Variants in LDB3 observed in about 807,000 individuals in gnomAD.
The protein encoded by LDB3 is LIM domain-binding protein 3.
A neutral mutation model predicts 69.0 loss-of-function variants in LDB3; 49 were observed. The observed-to-expected ratio is 0.71, with a 90% CI of 0.56 to 0.90. The LOEUF is 0.90. Ranked by LOEUF, LDB3 falls within the 40% of genes least tolerant of loss-of-function variation. The probability of loss-of-function intolerance (pLI) is 0.00; values close to 1 mark genes in which losing one functional copy is unlikely to be tolerated. For missense variants in LDB3, 928 were observed against 974.1 expected (o/e 0.95, Z 0.63); for synonymous variants, 387 against 396.2 (o/e 0.98, Z 0.28).
Position 86,692,041 on chromosome 10 carries a change from G to T in LDB3, c.835G>T (p.Ala279Ser). Residue 279 changes from alanine (A) to serine (S), a missense_variant, in exon 6 of 14, where the codon GCC becomes TCC. By Grantham distance (99) the Ala-to-Ser change is moderately conservative. Transcript: ENST00000361373. ...NLQSRSFRIL[A>S]QMTGTEFMQD... is the part of the protein sequence containing the mutation. ...GCAGTCTCGCTCCTTCCGCATCCTGGCCCAGATGACGGGGACAGAATTCAG... is the reference window on the plus strand; with the variant it reads ...GCAGTCTCGCTCCTTCCGCATCCTGTCCCAGATGACGGGGACAGAATTCAG... The T allele has an allele frequency of 6.2e-7, 1 of 1,614,112 alleles. No homozygotes were observed. The highest frequency in any genetic ancestry group is 8.5e-7 in the Non-Finnish European group (1 of 1,180,048).
At position 86,724,625 on chromosome 10, in the gene LDB3, T is replaced by A. The variant is rs912524412; in HGVS notation, c.1979-1512T>A. ...CGCAAAAAAAAATAAAAATAAAAAA[T>A]AAATAAATAAATAAATAAAATAAAT... On this transcript the variant is annotated intron_variant, in intron 12 of 13. Coordinates refer to ENST00000361373, the MANE Select transcript of LDB3 (RefSeq NM_007078.3). Among the ~76,000 whole-genome samples, 79 of 150,504 alleles carry A rather than the reference T, an allele frequency of 5.2e-4. 1 individual carries two copies. The East Asian group carries it at 6.8e-3, about 13-fold the overall frequency.
intron 8 of LDB3, among the ~76,000 whole-genome samples, chr10:86,707,546 A>G (rs1846489029): frequency 6.6e-6 from 1 of 152,126 alleles, no homozygotes; most frequent in African/African-American, 2.4e-5. Context: ...GTGGCGCATC[A>G]GGCTGGATGG....
chr10:86,686,527 CTTCT>C (rs2132394221), intron 5 of LDB3, among the ~76,000 whole-genome samples: 1 of 152,300 alleles, frequency 6.6e-6, no homozygotes, highest in South Asian at 2.1e-4. Context: ...CAAGGAAACC[CTTCT>C]ATGGCCAGGA....
At chr10:86,675,272 C>T (rs1408507188) in intron 2 of LDB3, among the ~76,000 whole-genome samples, 2 of 152,252 alleles carry the variant, frequency 1.3e-5, no homozygotes, top group African/African-American at 4.8e-5. Context: ...GGGCTGGTGC[C>T]CGCTGACCCA....
intron 9 of LDB3, among the ~76,000 whole-genome samples, chr10:86,712,123 C>A (rs1451983997): frequency 6.6e-6 from 1 of 152,078 alleles, no homozygotes; most frequent in Non-Finnish European, 1.5e-5. Context: ...CGCCCCCCGA[C>A]GGAGTCGGGG....
Position 86,732,808 on chromosome 10 carries a change from C to T in LDB3, c.2095-79C>T, listed in dbSNP as rs538539516. On this transcript the variant is annotated intron_variant, in intron 13 of 13. Transcript: ENST00000361373. Reference sequence around the variant, plus strand: ...ACTGAGCCACCACGCCTGGCCAGGGCGTTTTCTTAAAAAAGTGATTGAAAT... The same window carrying T: ...ACTGAGCCACCACGCCTGGCCAGGGTGTTTTCTTAAAAAAGTGATTGAAAT... 251 of 1,144,898 alleles carry T rather than the reference C, an allele frequency of 2.2e-4. 1 individual carries two copies. In the African/African-American group the frequency reaches 3.5e-3, roughly 16 times the overall value. The allele number at this position is 1,144,898 out of a possible 1,614,324, so 70.9% of individuals were successfully genotyped here.
At chr10:86,668,822 C>T (rs1844297242) in intron 2 of LDB3, 38 bp downstream of exon 2, 3 of 1,507,598 alleles carry the variant, frequency 2.0e-6, no homozygotes, top group African/African-American at 1.4e-5. Flanking sequence ...CCCGATGGGG[C>T]AGGCACGCTT....
chr10:86,732,411 A>T (rs778197169), intron 13 of LDB3: 17 of 424,968 alleles, frequency 4.0e-5, no homozygotes, highest in Non-Finnish European at 6.9e-5. Flanking sequence ...TATATAGTCC[A>T]ACTCATGTAC....
rs1407602876 is a variant in LDB3 at position 86,734,224 on chromosome 10, G to A, written c.*1248G>A. ...CTGTTTTGGCCAATATTTTGAAAAT[G>A]TATGAGCTGAGTTGATCTAGCTATT... On this transcript the variant is annotated 3_prime_UTR_variant, in exon 14 of 14. Transcript: ENST00000361373. 6.6e-6 allele frequency: 1 copy of A among 152,210 alleles called. No individual in the cohort carries two copies. Among genetic ancestry groups the A allele is most frequent in the Non-Finnish European group, 1.5e-5 (1 of 68,042 alleles). 9.4% of individuals were successfully genotyped at this position (152,210 alleles called of 1,614,324 possible). A position where few individuals can be genotyped will look rare whatever the true frequency, so the allele number is the denominator to read the frequency against.
At chr10:86,689,403 AC>A (rs1564641214) in intron 5 of LDB3, among the ~76,000 whole-genome samples, 1 of 152,168 alleles carries the variant, frequency 6.6e-6, no homozygotes, top group Non-Finnish European at 1.5e-5. Flanking sequence ...TCCTCCTCAC[AC>A]CCACCTGTCA....
intron 7 of LDB3, among the ~76,000 whole-genome samples, chr10:86,696,833 C>T (rs1343006883): frequency 1.3e-5 from 2 of 152,218 alleles, no homozygotes; most frequent in East Asian, 1.9e-4. Flanking sequence ...GGGAAGAAGA[C>T]GCTGGCACTT....
At position 86,671,324 on chromosome 10, in the gene LDB3, C is replaced by T. The variant is rs76679704; in HGVS notation, c.93+2540C>T. 7.5e-3 allele frequency among the ~76,000 whole-genome samples: 1,136 copies of T among 152,286 alleles called. 14 individuals are homozygous for T. Among genetic ancestry groups the T allele is most frequent in the African/African-American group, 0.026 (1,074 of 41,552 alleles). ...GGGAGGGTCTGTCCCCTCTCAGCTGCAGGTGTGTGCTGCAGCTCCTCCTGG... is the reference window on the plus strand; with the variant it reads ...GGGAGGGTCTGTCCCCTCTCAGCTGTAGGTGTGTGCTGCAGCTCCTCCTGG... On this transcript the variant is annotated intron_variant, in intron 2 of 13. Coordinates refer to ENST00000361373, the MANE Select transcript of LDB3 (RefSeq NM_007078.3).
chr10:86,721,926 T>C (rs1847095031), intron 12 of LDB3, among the ~76,000 whole-genome samples: 1 of 152,122 alleles, frequency 6.6e-6, no homozygotes. Flanking sequence ...TAATTCAGCT[T>C]GGGACAAGAG....
At chr10:86,724,858 A>G (rs1311456601) in intron 12 of LDB3, among the ~76,000 whole-genome samples, 1 of 152,174 alleles carries the variant, frequency 6.6e-6, no homozygotes, top group Non-Finnish European at 1.5e-5. Context: ...TGAGTTCGGT[A>G]CAATAATTAT....
chr10:86,706,409 C>G, intron 7 of LDB3, 122 bp from the exon 8 acceptor site: 1 of 1,052,486 alleles, frequency 9.5e-7, no homozygotes, highest in Non-Finnish European at 1.5e-6. Context: ...ACTCTGTTTG[C>G]AAGGCAGGTG....
intron 7 of LDB3, among the ~76,000 whole-genome samples, chr10:86,701,190 GC>G (rs933810846): frequency 6.6e-6 from 1 of 152,212 alleles, no homozygotes; most frequent in Non-Finnish European, 1.5e-5. Flanking sequence ...CTTCATCTAG[GC>G]CTCCTGGAAC....
chr10:86,692,713 C>A, intron 7 of LDB3, 142 bp downstream of exon 7: 2 of 791,138 alleles, frequency 2.5e-6, no homozygotes. Context: ...CTCCAGCTGA[C>A]ACTAGCTTGA....
At chr10:86,675,999 T>C (rs560622530) in intron 2 of LDB3, among the ~76,000 whole-genome samples, 60 of 152,256 alleles carry the variant, frequency 3.9e-4, no homozygotes, top group Non-Finnish European at 8.2e-4. Flanking sequence ...TTACACTTTG[T>C]TCACCTCTAC....
chr10:86,711,229 CG>C (rs1026334801), intron 9 of LDB3, among the ~76,000 whole-genome samples: 1 of 152,106 alleles, frequency 6.6e-6, no homozygotes, highest in Non-Finnish European at 1.5e-5. Flanking sequence ...TGGCACCTTC[CG>C]GGGCGGCCTC....
Sources: allele counts gnomAD v4.1 joint callset (sites outside exome capture counted in the v4.1 genomes callset), GRCh38; gene constraint gnomAD v4.1.1; transcripts MANE v1.5; gene names NCBI Gene and HGNC (gene_info 2026-07-23, HGNC 2026-07-21).